The following CCDC149 variants were observed in gnomAD, a reference collection of about 807,000 sequenced individuals.
The protein encoded by CCDC149 is coiled-coil domain containing 149, also known as coiled-coil domain-containing protein 149.
In CCDC149, 45 loss-of-function variants were observed where a neutral mutation model predicts 59.9. The observed-to-expected ratio is 0.75, with a 90% CI of 0.59 to 0.96. The LOEUF is 0.96. CCDC149 is among the 40% of genes least tolerant of loss of function. The probability of loss-of-function intolerance (pLI) is 0.00; values close to 1 mark genes in which losing one functional copy is unlikely to be tolerated. For synonymous variants in CCDC149, 245 were observed against 260.6 expected, an observed-to-expected ratio of 0.94 and a Z score of 0.58; for missense variants, 584 against 664.7, an observed-to-expected ratio of 0.88 and a Z score of 1.33.
downstream of CCDC149, chr4:24,806,087 A>G (rs1201894661): frequency 6.6e-6 from 1 of 152,138 alleles, no homozygotes; most frequent in Non-Finnish European, 1.5e-5. Flanking sequence ...TTAAACTTTG[A>G]TCCTAAAAAA....
At chr4:24,838,352 CTT>C in intron 4 of CCDC149, 80 bp from the exon 5 acceptor site, 1 of 990,516 alleles carries the variant, frequency 1.0e-6, no homozygotes, top group Non-Finnish European at 1.6e-6. Flanking sequence ...CACTAAGAAA[CTT>C]TTGGAAGATA....
At chr4:24,877,896 C>T (rs1051736202) in intron 1 of CCDC149, among the ~76,000 whole-genome samples, 3 of 152,114 alleles carry the variant, frequency 2.0e-5, no homozygotes, top group Non-Finnish European at 2.9e-5. Flanking sequence ...TATATTGCAC[C>T]GTCTAGTATT....
At chr4:24,974,595 C>A (rs1724094325) in intron 1 of CCDC149, among the ~76,000 whole-genome samples, 2 of 152,284 alleles carry the variant, frequency 1.3e-5, no homozygotes. Flanking sequence ...TTTCTTTTTT[C>A]CTTCTCACTA....
chr4:24,804,665 G>A (rs1714066350), downstream of CCDC149, among the ~76,000 whole-genome samples: 1 of 152,114 alleles, frequency 6.6e-6, no homozygotes. Context: ...GCTGGTCTTT[G>A]TCATTCCTTA....
At chr4:24,819,468 G>A (rs1375394192) in intron 12 of CCDC149, among the ~76,000 whole-genome samples, 1 of 152,054 alleles carries the variant, frequency 6.6e-6, no homozygotes, top group Non-Finnish European at 1.5e-5. Flanking sequence ...CTACAGGCAC[G>A]CCCCACCACA....
At chr4:24,887,881 C>T (rs995157979) in intron 1 of CCDC149, among the ~76,000 whole-genome samples, 6 of 152,244 alleles carry the variant, frequency 3.9e-5, no homozygotes, top group South Asian at 2.1e-4. Flanking sequence ...CAACCCACCT[C>T]TCCAACTTCA....
intron 4 of CCDC149, among the ~76,000 whole-genome samples, chr4:24,848,115 A>C (rs772687816): frequency 2.6e-5 from 4 of 152,240 alleles, no homozygotes; most frequent in Non-Finnish European, 5.9e-5. Flanking sequence ...CTCGTGTCCC[A>C]GTCTGTCCCA....
rs1577368251 is a variant in CCDC149 at position 24,807,621 on chromosome 4, A to C, written c.*768T>G. On this transcript the variant is annotated 3_prime_UTR_variant, in exon 13 of 13. Transcript: ENST00000635206. Reference sequence around the variant, plus strand: ...GCTCTCATCTCATCTCACAAAAAAAACCAGACCACCACTGGGAGTCCTGTT... The same window carrying C: ...GCTCTCATCTCATCTCACAAAAAAACCCAGACCACCACTGGGAGTCCTGTT... 1.3e-5 allele frequency: 2 copies of C among 152,350 alleles called. No individual in the cohort carries two copies. Among genetic ancestry groups the C allele is most frequent in the African/African-American group, 4.8e-5 (2 of 41,548 alleles). 9.4% of individuals were successfully genotyped at this position (152,350 alleles called of 1,614,324 possible).
chr4:24,893,612 A>AGTTTTTTTTTTTT (rs1560241640), intron 1 of CCDC149, among the ~76,000 whole-genome samples: 1 of 9,386 alleles, frequency 1.1e-4, no homozygotes, highest in African/African-American at 3.0e-4. Flanking sequence ...TAAAATACAG[A>AGTTTTTTTTTTTT]CTTTTTTTTT....
chr4:24,891,836 A>C (rs1720544642), intron 1 of CCDC149, among the ~76,000 whole-genome samples: 1 of 151,716 alleles, frequency 6.6e-6, no homozygotes, highest in African/African-American at 2.4e-5. Context: ...CCTTCTCTAC[A>C]ATTTTTTTTT....
Position 24,837,153 on chromosome 4 carries a change from C to A in CCDC149, c.662+75G>T. 2 of 1,398,884 alleles carry A rather than the reference C, an allele frequency of 1.4e-6. No homozygotes were observed. The highest frequency in any genetic ancestry group is 2.3e-5 in the East Asian group (1 of 42,930). The allele number at this position is 1,398,884 out of a possible 1,614,324, so 86.7% of individuals were successfully genotyped here. On this transcript the variant is annotated intron_variant, in intron 6 of 12. Coordinates refer to ENST00000635206, the MANE Select transcript of CCDC149 (RefSeq NM_001330643.2). The surrounding 1 kb of genome is among the most constrained non-coding windows in gnomAD (Gnocchi z 4.3). ...ATTTTCTCCAAAATAAATAGGGCTG[C>A]AAATAACTCCCAGCCTGCAGGCCTG...
intron 12 of CCDC149, among the ~76,000 whole-genome samples, chr4:24,813,497 T>TATCTATATATATATATATATATATAC (rs1714777414): frequency 6.5e-5 from 1 of 15,404 alleles, no homozygotes; most frequent in African/African-American, 1.4e-4. Context: ...GGAATATATA[T>TATCTATATATATATATATATATATAC]ATATATATAT....
intron 1 of CCDC149, among the ~76,000 whole-genome samples, chr4:24,906,406 T>TTTTA (rs1560249602): frequency 8.2e-5 from 12 of 145,924 alleles, no homozygotes; most frequent in African/African-American, 3.1e-4. Flanking sequence ...TTTTATTTTA[T>TTTTA]TTTACTTTAT....
intron 1 of CCDC149, among the ~76,000 whole-genome samples, chr4:24,948,702 T>C (rs1723191971): frequency 6.6e-6 from 1 of 152,140 alleles, no homozygotes; most frequent in Non-Finnish European, 1.5e-5. Context: ...TCTCTCTGGG[T>C]TCCAGAATCA....
chr4:24,827,644 G>A (rs1053928927), intron 9 of CCDC149: 6 of 152,226 alleles, frequency 3.9e-5, no homozygotes, highest in African/African-American at 1.4e-4. Context: ...TCGATCACCA[G>A]GCAACTGCCA....
chr4:24,914,452 G>C (rs971021527), upstream of CCDC149, among the ~76,000 whole-genome samples: 1 of 151,378 alleles, frequency 6.6e-6, no homozygotes, highest in Non-Finnish European at 1.5e-5. Context: ...TTTAACTCTT[G>C]CTTCTGCTCT....
intron 1 of CCDC149, among the ~76,000 whole-genome samples, chr4:24,883,353 C>T (rs1719962525): frequency 1.3e-5 from 2 of 150,376 alleles, no homozygotes; most frequent in African/African-American, 2.4e-5. Context: ...ATACTTCTTA[C>T]AAGCCGCCAT....
intron 4 of CCDC149, among the ~76,000 whole-genome samples, chr4:24,847,164 C>G (rs1302711467): frequency 6.6e-6 from 1 of 152,146 alleles, no homozygotes. Flanking sequence ...GGGGACACAT[C>G]TAGTTCACTG....
chr4:24,913,106 G>GAGCCCCGCCGGGCCCGCCCCGCGCCCTC (rs1439583104), upstream of CCDC149, among the ~76,000 whole-genome samples: 1 of 150,392 alleles, frequency 6.6e-6, no homozygotes, highest in African/African-American at 2.4e-5. Flanking sequence ...GGCCGCAGCC[G>GAGCCCCGCCGGGCCCGCCCCGCGCCCTC]AGCCCCGCCG....
Sources: gnomAD v4.1 joint callset for allele counts (sites outside exome capture counted in the v4.1 genomes callset) on GRCh38, gnomAD v4.1.1 for gene constraint, Gnocchi (gnomAD v3.1) non-coding constraint, MANE v1.5 for transcripts, NCBI Gene and HGNC (gene_info 2026-07-23, HGNC 2026-07-21) for gene names.